Variants in SCO1 observed in about 807,000 individuals in gnomAD.
The protein encoded by SCO1 is cytochrome c oxidase assembly factor SCO1.
SCO1 carries 23 observed loss-of-function variants against 34.0 expected under a neutral mutation model. The ratio of observed to expected loss-of-function variants is 0.68; its 90% confidence interval spans 0.49 to 0.96. SCO1 has a LOEUF of 0.96. Among genes scored for constraint, SCO1 ranks in the 40% least tolerant of loss-of-function variants. The pLI is 0.00. For synonymous variants in SCO1, 161 were observed against 145.5 expected (o/e 1.11, Z -0.77); for missense variants, 404 against 381.6 (o/e 1.06, Z -0.49).
rs768305409 is a variant in SCO1, at chr17:10,697,267, G to C, written c.241C>G (p.Pro81Ala). Residue 81 changes from proline to alanine, a missense_variant, in exon 1 of 6, where the codon CCC (proline) becomes GCC (alanine). Pro to Ala is a conservative substitution (Grantham distance 27, BLOSUM62 -1). Transcript: ENST00000255390. ...TTCGAGGGGCGCGTGGAGTCTCCGG[G>C]GCCCTTCTGCGACCACGGGGGTGGC... ...RPPPPWSQKG[P>A]GDSTRPSKPG... 1.3e-6 allele frequency: 2 copies of C among 1,567,468 alleles called. No homozygotes were observed. The highest frequency in any genetic ancestry group is 2.3e-5 in the South Asian group (2 of 85,542).
intron 5 of SCO1, among the ~76,000 whole-genome samples, chr17:10,683,356 C>T (rs1397370696): frequency 1.3e-5 from 2 of 152,062 alleles, no homozygotes; most frequent in Admixed American, 1.3e-4. Flanking sequence ...TCAGTTTTTT[C>T]TCTTTAAAAA....
chr17:10,688,185 C>G (rs548596948), intron 4 of SCO1, among the ~76,000 whole-genome samples: 1 of 152,150 alleles, frequency 6.6e-6, no homozygotes, highest in Non-Finnish European at 1.5e-5. Flanking sequence ...CTGAAAACTG[C>G]TGTTTGAAAG....
chr17:10,692,353 G>A (rs1376825693), intron 3 of SCO1, among the ~76,000 whole-genome samples: 2 of 152,130 alleles, frequency 1.3e-5, no homozygotes, highest in African/African-American at 4.8e-5. Flanking sequence ...AATAAGAGCT[G>A]AATATCCTGA....
rs1386074879 is a variant in SCO1, at chr17:10,697,412, TG to T, written c.95del (p.Pro32GlnfsTer10). Reference sequence around the variant, plus strand: ...GCAAGACTCTCGCAGTCCCCTCGGCTGGGCCCCAAAACTCGAGTCCGCGAGG... The same window carrying T: ...GCAAGACTCTCGCAGTCCCCTCGGCTGGCCCCAAAACTCGAGTCCGCGAGG... ...FLPRGLEFWG[P>X]AEGTARVLLR... is the part of the protein sequence containing the mutation. On this transcript the variant is annotated frameshift_variant, in exon 1 of 6. Coordinates refer to ENST00000255390, the MANE Select transcript of SCO1 (RefSeq NM_004589.4). LOFTEE classifies it high-confidence loss of function. 1.2e-6 allele frequency: 2 copies of T among 1,609,732 alleles called. No individual in the cohort carries two copies. The highest frequency in any genetic ancestry group is 1.7e-6 in the Non-Finnish European group (2 of 1,178,332).
rs149258693 is a variant in SCO1 at position 10,686,452 on chromosome 17, C to T, written c.771+275G>A. Among the ~76,000 whole-genome samples the T allele has an allele frequency of 1.3e-3, 191 of 150,976 alleles. 1 individual carries two copies. In the East Asian group the frequency reaches 0.024, roughly 19 times the overall value. On this transcript the variant is annotated intron_variant, in intron 5 of 5. Transcript: ENST00000255390. Reference sequence around the variant, plus strand: ...AAAAAAGTAGCCAGGTGTGGTGGCGCGCACCTGTAATCCCAGCTACTCGGG... The same window carrying T: ...AAAAAAGTAGCCAGGTGTGGTGGCGTGCACCTGTAATCCCAGCTACTCGGG...
In SCO1 at chr17:10,680,795, C is replaced by G. The variant is rs2074616538; in HGVS notation, c.*324G>C. On this transcript the variant is annotated 3_prime_UTR_variant, in exon 6 of 6. Transcript: ENST00000255390. ...GAGGCGGCAAAGCTGCTGGGAGGGC[C>G]TGTTCGCAGGCAGGAATGCACTGGC... is the stretch of plus-strand genomic sequence containing the variant. The G allele has an allele frequency of 4.9e-6, 2 of 406,832 alleles. No homozygotes were observed. The highest frequency in any genetic ancestry group is 4.8e-5 in the South Asian group (2 of 41,742). The allele number at this position is 406,832 out of a possible 1,614,324, so 25.2% of individuals were successfully genotyped here. A position where few individuals can be genotyped will look rare whatever the true frequency, so the allele number is the denominator to read the frequency against.
intron 2 of SCO1, among the ~76,000 whole-genome samples, chr17:10,693,972 G>T (rs967946993): frequency 6.6e-6 from 1 of 152,148 alleles, no homozygotes; most frequent in Non-Finnish European, 1.5e-5. Context: ...GTAAGTATAC[G>T]TATGTCAATA....
chr17:10,692,121 G>A (rs2074694199), intron 3 of SCO1, among the ~76,000 whole-genome samples, 157 bp from the exon 4 acceptor site: 1 of 152,208 alleles, frequency 6.6e-6, no homozygotes, highest in Non-Finnish European at 1.5e-5. Flanking sequence ...GGACGGGGAA[G>A]GGGATGGAGA....
chr17:10,692,417 T>C (rs1206510151), intron 3 of SCO1, among the ~76,000 whole-genome samples: 3 of 152,210 alleles, frequency 2.0e-5, no homozygotes, highest in Admixed American at 6.5e-5. Flanking sequence ...ACTAGTAAAA[T>C]GCCACAGACT....
Position 10,675,913 on chromosome 17 carries a change from G to A in SCO1, c.*5206C>T, listed in dbSNP as rs2074577364. 2 of 152,102 alleles carry A rather than the reference G, an allele frequency of 1.3e-5. No individual in the cohort carries two copies. Among genetic ancestry groups the A allele is most frequent in the Non-Finnish European group, 2.9e-5 (2 of 68,034 alleles). The allele number at this position is 152,102 out of a possible 1,614,324, so 9.4% of individuals were successfully genotyped here. A position where few individuals can be genotyped will look rare whatever the true frequency, so the allele number is the denominator to read the frequency against. ...CAAACATGGACAAAGTCACATGTATGACATGGAGACAACACATCCCCACAA... is the reference window on the plus strand; with the variant it reads ...CAAACATGGACAAAGTCACATGTATAACATGGAGACAACACATCCCCACAA... On this transcript the variant is annotated 3_prime_UTR_variant, in exon 6 of 6. Transcript: ENST00000255390.
At chr17:10,688,099 G>A (rs2074668049) in intron 4 of SCO1, among the ~76,000 whole-genome samples, 1 of 152,122 alleles carries the variant, frequency 6.6e-6, no homozygotes, top group Admixed American at 6.5e-5. Flanking sequence ...CCTTAGGTTA[G>A]TCAAAGATTT....
rs142606306 is a variant in SCO1, at chr17:10,694,858, ATATG to A, written c.364+879_364+882del. On this transcript the variant is annotated intron_variant, in intron 2 of 5. Coordinates refer to ENST00000255390, the MANE Select transcript of SCO1 (RefSeq NM_004589.4). Reference sequence around the variant, plus strand: ...CTTATTATGCCAAAGAGTCTCATATATATGTATGTCAGTACAAAACTTAACACTG... The same window carrying A: ...CTTATTATGCCAAAGAGTCTCATATATATGTCAGTACAAAACTTAACACTG... Among the ~76,000 whole-genome samples, 650 of 152,290 alleles carry A rather than the reference ATATG, an allele frequency of 4.3e-3. 2 individuals carry two copies. The highest frequency in any genetic ancestry group is 0.014 in the African/African-American group (570 of 41,568).
chr17:10,681,317 T>G, intron 5 of SCO1, 64 bp from the exon 6 acceptor site: 1 of 1,537,158 alleles, frequency 6.5e-7, no homozygotes, highest in Admixed American at 1.7e-5. Context: ...TTTTACTGAA[T>G]GTATGCTGCA....
At chr17:10,684,134 T>G (rs2074639183) in intron 5 of SCO1, 1 of 152,204 alleles carries the variant, frequency 6.6e-6, no homozygotes, top group Non-Finnish European at 1.5e-5. Context: ...GGCCAGTATT[T>G]CTCAAAATGG....
At chr17:10,696,071 TAAAAA>T (rs869243005) in intron 1 of SCO1, among the ~76,000 whole-genome samples, 3 of 72,996 alleles carry the variant, frequency 4.1e-5, no homozygotes, top group Admixed American at 3.6e-4. Flanking sequence ...TTCATGTAAA[TAAAAA>T]AAAAAAAAAA....
intron 5 of SCO1, among the ~76,000 whole-genome samples, chr17:10,684,747 C>G (rs2074644627): frequency 6.6e-6 from 1 of 152,208 alleles, no homozygotes; most frequent in African/African-American, 2.4e-5. Context: ...CTGCTGTCAT[C>G]ATCGGATAAA....
Position 10,697,307 on chromosome 17 carries a change from G to C in SCO1, c.201C>G (p.Leu67=), listed in dbSNP as rs1295650237. The change falls in exon 1 of 6, where the codon CTC becomes CTG. Residue 67 remains leucine, a synonymous_variant. Transcript: ENST00000255390. ...RPGYCLGTRP[L]STARPPPPWS... is the part of the protein sequence containing the mutation. ...ACGGGGGTGGCGGCCTCGCAGTGCT[G>C]AGGGGCCGGGTTCCCAGGCAATAGC... 2 of 1,567,334 alleles carry C rather than the reference G, an allele frequency of 1.3e-6. No individual in the cohort carries two copies. The highest frequency in any genetic ancestry group is 1.9e-5 in the Admixed American group (1 of 53,352).
intron 1 of SCO1, among the ~76,000 whole-genome samples, chr17:10,696,081 A>AAAAAT (rs942770451): frequency 2.0e-5 from 3 of 150,048 alleles, no homozygotes; most frequent in African/African-American, 7.3e-5. Flanking sequence ...TAAAAAAAAA[A>AAAAAT]AAAAAAAAAA....
Position 10,697,509 on chromosome 17 carries a change from AGC to A in SCO1, c.-4_-3del, listed in dbSNP as rs749278832. On this transcript the variant is annotated 5_prime_UTR_variant, in exon 1 of 6. Transcript: ENST00000255390. ...GGGTACTAGGACCAGCATCGCCATG[AGC>A]CTCGGAGACCGGGTCTCCTTTGACC... is the stretch of plus-strand genomic sequence containing the variant. 3 of 1,613,226 alleles carry A rather than the reference AGC, an allele frequency of 1.9e-6. No homozygotes were observed. The Admixed American group carries it at 5.0e-5, about 27-fold the overall frequency.
Sources: gnomAD v4.1 joint callset for allele counts (sites outside exome capture counted in the v4.1 genomes callset) on GRCh38, gnomAD v4.1.1 for gene constraint, MANE v1.5 for transcripts, NCBI Gene and HGNC (gene_info 2026-07-23, HGNC 2026-07-21) for gene names.